The following SGCD variants were observed in gnomAD, a reference collection of about 807,000 sequenced individuals.
The protein encoded by SGCD is delta-sarcoglycan.
A neutral mutation model predicts 36.6 loss-of-function variants in SGCD; 18 were observed. The ratio of observed to expected loss-of-function variants is 0.49; its 90% CI spans 0.34 to 0.73. The LOEUF is 0.73. Ranked by LOEUF, SGCD falls within the 30% of genes least tolerant of loss-of-function variation. The pLI is 0.01. For synonymous variants in SGCD, 133 were observed against 130.6 expected, an observed-to-expected ratio of 1.02 and a Z score of -0.12; for missense variants, 387 against 346.7, an observed-to-expected ratio of 1.12 and a Z score of -0.92.
At chr5:156,533,072 T>C (rs986542203) in intron 4 of SGCD, among the ~76,000 whole-genome samples, 1 of 152,072 alleles carries the variant, frequency 6.6e-6, no homozygotes, top group Admixed American at 6.6e-5. Flanking sequence ...TCTGTGCTGC[T>C]TACCCAGCTG....
intron 3 of SGCD, among the ~76,000 whole-genome samples, chr5:156,462,926 G>C (rs1269098978): frequency 6.6e-6 from 1 of 152,096 alleles, no homozygotes; most frequent in Non-Finnish European, 1.5e-5. Context: ...ATGAATAATA[G>C]ACAATTATAA....
chr5:156,350,548 C>A (rs991566693), intron 3 of SGCD, among the ~76,000 whole-genome samples: 4 of 151,984 alleles, frequency 2.6e-5, no homozygotes, highest in East Asian at 1.9e-4. Flanking sequence ...TCTGGACAAG[C>A]ATCTTACCAA....
chr5:156,335,830 A>T lies in SGCD; in HGVS notation c.3+6251A>T, dbSNP rs567464845. On this transcript the variant is annotated intron_variant, in intron 2 of 8. Transcript: ENST00000337851. ...GCTCTGCTTTCCCACAAGATTCCAG[A>T]TACAGCAACTCCCCAGCTTCTCACC... Among the ~76,000 whole-genome samples the T allele has an allele frequency of 5.3e-5, 8 of 152,200 alleles. No individual in the cohort carries two copies. In the South Asian group the frequency reaches 1.7e-3, roughly 32 times the overall value.
chr5:156,667,767 A>C (rs1753112805), intron 7 of SGCD, among the ~76,000 whole-genome samples: 1 of 152,160 alleles, frequency 6.6e-6, no homozygotes, highest in Non-Finnish European at 1.5e-5. Context: ...ACATAACCTC[A>C]ACAAATATTA....
chr5:156,485,138 C>A (rs1755599920), intron 3 of SGCD, among the ~76,000 whole-genome samples: 1 of 152,090 alleles, frequency 6.6e-6, no homozygotes, highest in Non-Finnish European at 1.5e-5. Context: ...TTGAGGTCTC[C>A]CTCACCAAAC....
At chr5:156,608,236 A>G (rs1179429691) in intron 6 of SGCD, among the ~76,000 whole-genome samples, 1 of 152,080 alleles carries the variant, frequency 6.6e-6, no homozygotes, top group Non-Finnish European at 1.5e-5. Flanking sequence ...AGATTCTGGT[A>G]TGTTGTGTCT....
intron 3 of SGCD, among the ~76,000 whole-genome samples, chr5:156,387,780 G>T (rs373513598): frequency 1.6e-4 from 24 of 152,302 alleles, no homozygotes; most frequent in African/African-American, 5.3e-4. Context: ...GAATGTGCAT[G>T]TTGAAGAAGA....
rs886042290 is a variant in SGCD, at chr5:156,589,269, A to C, written c.333A>C (p.Thr111=). ...ALYFKSARNV[T]VNILNDQTKV... is the part of the protein sequence containing the mutation. ...ACTTCAAGTCTGCCAGAAATGTTAC[A>C]GTGAACATTCTCAATGACCAGACTA... is the stretch of plus-strand genomic sequence containing the variant. Residue 111 remains threonine (T), a synonymous_variant, in exon 5 of 9, where the codon ACA becomes ACC. Transcript: ENST00000337851. The C allele has an allele frequency of 6.3e-7, 1 of 1,575,742 alleles. No individual in the cohort carries two copies. Among genetic ancestry groups the C allele is most frequent in the Non-Finnish European group, 8.6e-7 (1 of 1,158,890 alleles).
the SGCD span, among the ~76,000 whole-genome samples, chr5:155,801,626 G>A: frequency 6.6e-6 from 1 of 152,160 alleles, no homozygotes; most frequent in African/African-American, 2.4e-5. Flanking sequence ...AACAAATGGT[G>A]TAGGTGGCCA....
intron 6 of SGCD, among the ~76,000 whole-genome samples, chr5:156,611,049 C>A (rs568267064): frequency 1.5e-3 from 231 of 152,326 alleles, no homozygotes; most frequent in African/African-American, 5.5e-3. Flanking sequence ...ACCCACTGTC[C>A]TGCACCCAGT....
At chr5:156,401,697 T>C (rs781619627) in intron 3 of SGCD, among the ~76,000 whole-genome samples, 3 of 152,180 alleles carry the variant, frequency 2.0e-5, no homozygotes, top group Non-Finnish European at 4.4e-5. Flanking sequence ...TCAACATTCA[T>C]AGCCCCTACA....
chr5:156,090,152 C>A (rs1354285962), intron 1 of SGCD, among the ~76,000 whole-genome samples: 1 of 152,112 alleles, frequency 6.6e-6, no homozygotes, highest in Admixed American at 6.5e-5. Flanking sequence ...CCTGGGTAGG[C>A]ACAGAAACTG....
intron 6 of SGCD, among the ~76,000 whole-genome samples, chr5:156,610,254 T>A (rs1425091023): frequency 6.6e-6 from 1 of 152,226 alleles, no homozygotes; most frequent in African/African-American, 2.4e-5. Context: ...TTAGTTTTCC[T>A]TCTAACAGTC....
intron 3 of SGCD, among the ~76,000 whole-genome samples, chr5:156,350,596 A>C (rs1769201965): frequency 6.6e-6 from 1 of 152,054 alleles, no homozygotes; most frequent in Admixed American, 6.6e-5. Flanking sequence ...AAGAAAAGTT[A>C]TTTTGCTTTC....
chr5:156,158,514 G>A (rs529889893), intron 3 of SGCD, among the ~76,000 whole-genome samples: 1 of 151,506 alleles, frequency 6.6e-6, no homozygotes, highest in East Asian at 1.9e-4. Flanking sequence ...GGAGAGGGGA[G>A]GGAACAAAAA....
intron 3 of SGCD, among the ~76,000 whole-genome samples, chr5:156,303,472 C>T (rs189985204): frequency 2.2e-4 from 33 of 152,118 alleles, no homozygotes; most frequent in African/African-American, 7.9e-4. Flanking sequence ...ATCTACCCCA[C>T]TGTGGCTAAT....
At chr5:156,313,335 C>G (rs184234617) in intron 3 of SGCD, among the ~76,000 whole-genome samples, 171 of 152,128 alleles carry the variant, frequency 1.1e-3, no homozygotes, top group South Asian at 7.2e-3. Flanking sequence ...ATAATTTGTA[C>G]TTGATTTCTC....
rs1174977253 is a variant in SGCD, at chr5:156,152,174, T to C, written c.-44+28155T>C. Among the ~76,000 whole-genome samples, 3 of 151,718 alleles carry C rather than the reference T, an allele frequency of 2.0e-5. 1 individual carries two copies. The highest frequency in any genetic ancestry group is 7.3e-5 in the African/African-American group (3 of 41,026). The stretch of plus-strand genomic sequence containing the variant: ...CAAAACAAATACAAACTTGAGTTCA[T>C]TTAATATTACATTTGCTGGTTAACC... On this transcript the variant is annotated intron_variant, in intron 3 of 9. Transcript: ENST00000517913.
intron 3 of SGCD, among the ~76,000 whole-genome samples, chr5:156,310,455 T>C (rs768392357): frequency 2.0e-5 from 3 of 152,170 alleles, no homozygotes; most frequent in Non-Finnish European, 4.4e-5. Flanking sequence ...AGCTACTCCA[T>C]GAACATCCCG....
Sources: gnomAD v4.1 joint callset for allele counts (sites outside exome capture counted in the v4.1 genomes callset) on GRCh38, gnomAD v4.1.1 for gene constraint, MANE v1.5 for transcripts, NCBI Gene and HGNC (gene_info 2026-07-23, HGNC 2026-07-21) for gene names.